PCDH15: variants seen among roughly 807,000 people sequenced by gnomAD.
PCDH15 encodes protocadherin-15.
PCDH15 carries 129 observed loss-of-function variants against 178.5 expected under a neutral mutation model. The ratio of observed to expected loss-of-function variants is 0.72; its 90% confidence interval spans 0.63 to 0.84. PCDH15 has a LOEUF of 0.84. PCDH15 is among the 40% of genes least tolerant of loss of function. The pLI is 0.00. For missense variants in PCDH15, 2,230 were observed against 2,099.9 expected, an observed-to-expected ratio of 1.06 and a Z score of -1.21; for synonymous variants, 800 against 732.0, an observed-to-expected ratio of 1.09 and a Z score of -1.50.
chr10:53,974,882 G>C (rs1383016986), intron 21 of PCDH15, among the ~76,000 whole-genome samples: 2 of 152,050 alleles, frequency 1.3e-5, no homozygotes, highest in Non-Finnish European at 2.9e-5. Context: ...AGTCATCGAG[G>C]TAGTGAGCAT....
chr10:53,979,956 C>T (rs918661647), intron 21 of PCDH15, among the ~76,000 whole-genome samples: 4 of 152,214 alleles, frequency 2.6e-5, no homozygotes, highest in Admixed American at 6.5e-5. Flanking sequence ...CGGCGGCTCA[C>T]GCCTGTAATC....
At chr10:55,143,927 C>T (rs1202107684) in intron 2 of PCDH15, among the ~76,000 whole-genome samples, 1 of 151,892 alleles carries the variant, frequency 6.6e-6, no homozygotes, top group African/African-American at 2.4e-5. Flanking sequence ...GCCCTTTTTA[C>T]TGACCTAGTT....
At chr10:54,733,856 A>T (rs1277097403) in intron 1 of PCDH15, among the ~76,000 whole-genome samples, 3 of 151,626 alleles carry the variant, frequency 2.0e-5, no homozygotes, top group Non-Finnish European at 4.4e-5. Context: ...TTAATTTTAA[A>T]TAAATAGTGC....
chr10:54,106,114 C>G (rs2094913429), intron 15 of PCDH15, among the ~76,000 whole-genome samples: 1 of 152,072 alleles, frequency 6.6e-6, no homozygotes, highest in East Asian at 1.9e-4. Flanking sequence ...CTGGTAGTTG[C>G]CTAGGACTGG....
At chr10:55,095,975 C>T (rs10509022) in intron 2 of PCDH15, among the ~76,000 whole-genome samples, 34,779 of 151,892 alleles carry the variant, frequency 0.23, 4,499 homozygotes, top group African/African-American at 0.34. Flanking sequence ...TGTACAAATC[C>T]ATTGAAATAA....
intron 1 of PCDH15, among the ~76,000 whole-genome samples, chr10:54,799,095 T>G (rs913234899): frequency 2.0e-5 from 3 of 152,168 alleles, no homozygotes; most frequent in African/African-American, 7.2e-5. Flanking sequence ...TTCCTCAACA[T>G]GTATTTGCTT....
At chr10:54,372,848 C>T (rs1028587247) in intron 4 of PCDH15, among the ~76,000 whole-genome samples, 4 of 151,808 alleles carry the variant, frequency 2.6e-5, no homozygotes, top group South Asian at 2.1e-4. Context: ...ATACTCTGAA[C>T]GTATACTTGC....
chr10:54,749,870 T>C (rs1215706708), intron 1 of PCDH15, among the ~76,000 whole-genome samples: 1 of 152,140 alleles, frequency 6.6e-6, no homozygotes, highest in African/African-American at 2.4e-5. Context: ...GTTAAGAGCA[T>C]AGACTCTGGA....
intron 2 of PCDH15, among the ~76,000 whole-genome samples, chr10:54,646,322 C>T (rs555328156): frequency 6.6e-6 from 1 of 152,168 alleles, no homozygotes; most frequent in African/African-American, 2.4e-5. Flanking sequence ...TTCACAGAAC[C>T]AACTGCAGGA....
chr10:55,301,440 C>G (rs1843276261), intron 1 of PCDH15, among the ~76,000 whole-genome samples: 1 of 151,702 alleles, frequency 6.6e-6, no homozygotes, highest in Non-Finnish European at 1.5e-5. Context: ...GCCCCATTTT[C>G]TAATTGTTTT....
chr10:54,104,312 CA>C (rs1295772084), intron 15 of PCDH15, among the ~76,000 whole-genome samples: 1 of 152,188 alleles, frequency 6.6e-6, no homozygotes, highest in African/African-American at 2.4e-5. Context: ...CACACATCCC[CA>C]TTCCAAGTTG....
intron 25 of PCDH15, among the ~76,000 whole-genome samples, chr10:53,911,257 G>A (rs1044361127): frequency 2.0e-5 from 3 of 152,284 alleles, no homozygotes; most frequent in Non-Finnish European, 2.9e-5. Flanking sequence ...ACAAGAAACT[G>A]TCTCTCAGAC....
At chr10:55,165,191 C>A (rs1335926645) in intron 2 of PCDH15, among the ~76,000 whole-genome samples, 1 of 151,926 alleles carries the variant, frequency 6.6e-6, no homozygotes, top group East Asian at 1.9e-4. Flanking sequence ...TTTGTATACT[C>A]AACAAACGAT....
intron 26 of PCDH15, among the ~76,000 whole-genome samples, chr10:53,888,502 C>T: frequency 7.2e-6 from 1 of 139,092 alleles, no homozygotes; most frequent in Non-Finnish European, 1.5e-5. Flanking sequence ...AAACTTTTTC[C>T]AAAATGTCTT....
chr10:54,819,949 TTAGCC>T (rs1355390187), intron 3 of PCDH15, among the ~76,000 whole-genome samples: 7 of 152,198 alleles, frequency 4.6e-5, no homozygotes, highest in Non-Finnish European at 7.4e-5. Flanking sequence ...TACATATCAT[TTAGCC>T]TTATAACTAA....
intron 2 of PCDH15, among the ~76,000 whole-genome samples, chr10:54,569,020 T>C (rs1421462881): frequency 1.3e-5 from 2 of 151,928 alleles, no homozygotes; most frequent in Non-Finnish European, 2.9e-5. Flanking sequence ...ATTGCTCTAA[T>C]ATAATTTTAA....
At chr10:53,861,478 A>T (rs2079103792) in intron 27 of PCDH15, among the ~76,000 whole-genome samples, 1 of 152,132 alleles carries the variant, frequency 6.6e-6, no homozygotes, top group Admixed American at 6.6e-5. Context: ...ATTTATTCTC[A>T]TAAGTTTCTT....
intron 1 of PCDH15, among the ~76,000 whole-genome samples, chr10:55,288,861 A>C (rs559569732): frequency 5.4e-4 from 82 of 151,206 alleles, no homozygotes; most frequent in Middle Eastern, 3.4e-3. Flanking sequence ...TATGACTTCA[A>C]TTCTATTAGA....
chr10:55,052,113 ACT>A (rs750464767), intron 2 of PCDH15, among the ~76,000 whole-genome samples: 5 of 150,300 alleles, frequency 3.3e-5, no homozygotes, highest in Admixed American at 1.3e-4. Flanking sequence ...TTTGAGACAG[ACT>A]CTCGCTCAGT....
Sources: allele counts gnomAD v4.1 joint callset (sites outside exome capture counted in the v4.1 genomes callset), GRCh38; gene constraint gnomAD v4.1.1; transcripts MANE v1.5; gene names NCBI Gene and HGNC (gene_info 2026-07-23, HGNC 2026-07-21).